The following GULP1 variants were observed in gnomAD, a reference collection of about 807,000 sequenced individuals.
GULP1 encodes PTB domain-containing engulfment adapter protein 1.
In GULP1, 19 loss-of-function variants were observed where a neutral mutation model predicts 40.9. That is an observed-to-expected ratio of 0.46 (90% CI 0.32 to 0.68). The LOEUF (loss-of-function observed/expected upper bound fraction) is 0.68. Among genes scored for constraint, GULP1 ranks in the 30% least tolerant of loss-of-function variants. The probability of loss-of-function intolerance (pLI) is 0.03; values close to 1 mark genes in which losing one functional copy is unlikely to be tolerated. For missense variants in GULP1, 312 were observed against 362.2 expected (o/e 0.86, Z 1.12); for synonymous variants, 119 against 117.6 (o/e 1.01, Z -0.08).
At chr2:188,593,899 GT>G in intron 11 of GULP1, 40 bp from the exon 12 acceptor site, 2 of 1,081,046 alleles carry the variant, frequency 1.9e-6, no homozygotes, top group Non-Finnish European at 2.9e-6. Context: ...TTATTTTGCT[GT>G]AAGCATTTCA....
intron 2 of GULP1, among the ~76,000 whole-genome samples, chr2:188,415,971 C>T (rs1448347016): frequency 2.6e-5 from 4 of 152,058 alleles, no homozygotes; most frequent in Admixed American, 1.3e-4. Flanking sequence ...AAATGTTTTG[C>T]CCATTCTGTG....
At chr2:188,352,599 C>A (rs2152302505) in intron 1 of GULP1, among the ~76,000 whole-genome samples, 1 of 119,246 alleles carries the variant, frequency 8.4e-6, no homozygotes, top group East Asian at 2.4e-4. Flanking sequence ...TTCTTGCTCT[C>A]TTTCTCTCTC....
chr2:188,549,629 A>G (rs928487523), intron 7 of GULP1, among the ~76,000 whole-genome samples: 1 of 151,814 alleles, frequency 6.6e-6, no homozygotes, highest in Admixed American at 6.6e-5. Context: ...AAATACTTGG[A>G]CATTTATCCC....
intron 7 of GULP1, among the ~76,000 whole-genome samples, chr2:188,560,552 A>G (rs7425417): frequency 0.93 from 142,073 of 152,290 alleles, 66,355 homozygotes; most frequent in East Asian, 1. Context: ...ACATTTTCAG[A>G]TAGTTTTATA....
At chr2:188,587,979 T>C (rs1702743713) in intron 11 of GULP1, 30 bp downstream of exon 11, 8 of 1,077,580 alleles carry the variant, frequency 7.4e-6, no homozygotes, top group Middle Eastern at 4.0e-4. Flanking sequence ...GGCCCATAAA[T>C]GATTTATTTC....
At chr2:188,392,380 T>G (rs113337258) in intron 2 of GULP1, among the ~76,000 whole-genome samples, 1 of 152,116 alleles carries the variant, frequency 6.6e-6, no homozygotes, top group Non-Finnish European at 1.5e-5. Flanking sequence ...CTTCCTAGTT[T>G]GTGTGCATAG....
intron 2 of GULP1, among the ~76,000 whole-genome samples, chr2:188,390,713 T>C (rs2050400107): frequency 6.6e-6 from 1 of 152,062 alleles, no homozygotes; most frequent in Admixed American, 6.6e-5. Flanking sequence ...GAAGAGTTTT[T>C]CCTGGGTTAT....
chr2:188,394,020 A>G (rs2050880603), intron 2 of GULP1, among the ~76,000 whole-genome samples: 1 of 152,144 alleles, frequency 6.6e-6, no homozygotes, highest in African/African-American at 2.4e-5. Flanking sequence ...CCTTTTTGCA[A>G]TAAATCTCCC....
chr2:188,364,987 A>G (rs554681023), intron 1 of GULP1, among the ~76,000 whole-genome samples: 4 of 151,776 alleles, frequency 2.6e-5, no homozygotes, highest in Middle Eastern at 3.4e-3. Flanking sequence ...GACATCCACC[A>G]CTGGAGTGGT....
intron 7 of GULP1, among the ~76,000 whole-genome samples, chr2:188,546,185 C>G (rs1287798218): frequency 2.0e-5 from 3 of 151,902 alleles, no homozygotes; most frequent in Non-Finnish European, 4.4e-5. Flanking sequence ...AGAAAATCAT[C>G]AAGGATATAG....
rs557175515 is a variant in GULP1, at chr2:188,524,291, C to T, written c.162+1464C>T. On this transcript the variant is annotated intron_variant, in intron 5 of 11. Coordinates refer to ENST00000409830, the MANE Select transcript of GULP1 (RefSeq NM_016315.4). Reference sequence around the variant, plus strand: ...AAATCAAATGCTTTCTAAACAATGACGAGTTTACATATATTTTGCAGGATT... The same window carrying T: ...AAATCAAATGCTTTCTAAACAATGATGAGTTTACATATATTTTGCAGGATT... 3.3e-5 allele frequency among the ~76,000 whole-genome samples: 5 copies of T among 152,070 alleles called. 1 individual carries two copies. Among genetic ancestry groups the T allele is most frequent in the East Asian group, 1.9e-4 (1 of 5,176 alleles).
At chr2:188,553,068 C>G (rs1461683917) in intron 7 of GULP1, among the ~76,000 whole-genome samples, 1 of 151,806 alleles carries the variant, frequency 6.6e-6, no homozygotes, top group East Asian at 1.9e-4. Context: ...ATTCATTTAT[C>G]AAATCTAAGA....
intron 2 of GULP1, among the ~76,000 whole-genome samples, chr2:188,433,081 T>G (rs1351232361): frequency 6.6e-6 from 1 of 152,006 alleles, no homozygotes; most frequent in African/African-American, 2.4e-5. Context: ...GAGAAACAGA[T>G]AACTTAGCTT....
intron 1 of GULP1, among the ~76,000 whole-genome samples, chr2:188,337,239 A>G (rs2042394317): frequency 6.6e-6 from 1 of 151,878 alleles, no homozygotes; most frequent in African/African-American, 2.4e-5. Flanking sequence ...CCCGGATTCA[A>G]GTGATTCTTC....
intron 2 of GULP1, among the ~76,000 whole-genome samples, chr2:188,462,518 G>T (rs781529889): frequency 6.6e-6 from 1 of 152,072 alleles, no homozygotes; most frequent in Non-Finnish European, 1.5e-5. Context: ...ATAGTGGGGC[G>T]TTGAAGTCTC....
chr2:188,302,593 A>G (rs1423638274), intron 1 of GULP1, among the ~76,000 whole-genome samples: 2 of 152,212 alleles, frequency 1.3e-5, no homozygotes, highest in Admixed American at 1.3e-4. Flanking sequence ...TCACAGAGGT[A>G]TAAAAAAATA....
chr2:188,319,545 C>G (rs910065387), intron 1 of GULP1, among the ~76,000 whole-genome samples: 1 of 152,184 alleles, frequency 6.6e-6, no homozygotes, highest in South Asian at 2.1e-4. Context: ...ATCTACCCAA[C>G]TAGCTACCAC....
chr2:188,399,536 C>T (rs2051799447), intron 2 of GULP1, among the ~76,000 whole-genome samples: 1 of 151,834 alleles, frequency 6.6e-6, no homozygotes, highest in South Asian at 2.1e-4. Context: ...CCTCCTAAAA[C>T]TCTTTTTCAT....
At chr2:188,338,388 T>C (rs1051842047) in intron 1 of GULP1, among the ~76,000 whole-genome samples, 1 of 151,508 alleles carries the variant, frequency 6.6e-6, no homozygotes, top group African/African-American at 2.4e-5. Context: ...CACTGCAGTC[T>C]CCATCTCCCA....
Sources: gnomAD v4.1 joint callset for allele counts (sites outside exome capture counted in the v4.1 genomes callset) on GRCh38, gnomAD v4.1.1 for gene constraint, MANE v1.5 for transcripts, NCBI Gene and HGNC (gene_info 2026-07-23, HGNC 2026-07-21) for gene names.